SLC44A1: variants seen among roughly 807,000 people sequenced by gnomAD.
SLC44A1 encodes the protein solute carrier family 44 member 1, also known as choline transporter-like protein 1.
SLC44A1 carries 26 observed loss-of-function variants against 79.3 expected under a neutral mutation model. The observed-to-expected ratio is 0.33, with a 90% CI of 0.24 to 0.46. The LOEUF (loss-of-function observed/expected upper bound fraction) is 0.46, where lower values mean the gene tolerates loss of function less well. SLC44A1 is among the 20% of genes least tolerant of loss of function. The pLI is 1.00. For synonymous variants in SLC44A1, 263 were observed against 286.2 expected, an observed-to-expected ratio of 0.92 and a Z score of 0.82; for missense variants, 688 against 798.1, an observed-to-expected ratio of 0.86 and a Z score of 1.66.
chr9:105,433,547 A>C (rs1052303027), intron 15 of SLC44A1, among the ~76,000 whole-genome samples: 1 of 152,128 alleles, frequency 6.6e-6, no homozygotes, highest in Non-Finnish European at 1.5e-5. Context: ...AGGAGCATCC[A>C]AAACAGAGGT....
At chr9:105,421,803 A>C (rs949710545) in intron 15 of SLC44A1, among the ~76,000 whole-genome samples, 1 of 151,950 alleles carries the variant, frequency 6.6e-6, no homozygotes, top group South Asian at 2.1e-4. Context: ...TAGCCAGGAT[A>C]GTCTCAATCT....
At position 105,390,059 on chromosome 9, in the gene SLC44A1, A is replaced by G; in HGVS notation, c.*1003A>G. 1.6e-6 allele frequency: 2 copies of G among 1,282,826 alleles called. No individual in the cohort carries two copies. The highest frequency in any genetic ancestry group is 3.1e-5 in the South Asian group (1 of 31,918). The allele number at this position is 1,282,826 out of a possible 1,614,324, so 79.5% of individuals were successfully genotyped here. A position where few individuals can be genotyped will look rare whatever the true frequency, so the allele number is the denominator to read the frequency against. On this transcript the variant is annotated 3_prime_UTR_variant, in exon 16 of 16. Coordinates refer to ENST00000374720, the MANE Select transcript of SLC44A1 (RefSeq NM_080546.5). ...TGCTTGCTATACAATCTGAAAACAC[A>G]CTGGCAGGTGCTCCTCTCCTTGGCA...
At chr9:105,362,550 A>G (rs1337593603) in intron 8 of SLC44A1, among the ~76,000 whole-genome samples, 1 of 152,184 alleles carries the variant, frequency 6.6e-6, no homozygotes, top group Admixed American at 6.5e-5. Flanking sequence ...TTGGTTCATA[A>G]TGAGTGGCAA....
chr9:105,334,239 AT>A lies in SLC44A1; in HGVS notation c.270-1309del, dbSNP rs202015758. ...GAGTCACTGATAGGGTCACACACAC[AT>A]TTTTTTTTTTTTTTCGTTTGGTAAG... On this transcript the variant is annotated intron_variant, in intron 3 of 15. Transcript: ENST00000374720. 7.6e-3 allele frequency among the ~76,000 whole-genome samples: 979 copies of A among 128,252 alleles called. 2 individuals carry two copies. Among genetic ancestry groups the A allele is most frequent in the Non-Finnish European group, 8.2e-3 (486 of 59,442 alleles). 84.1% of individuals were successfully genotyped at this position (128,252 alleles called of 152,430 possible).
intron 5 of SLC44A1, among the ~76,000 whole-genome samples, chr9:105,352,441 T>C (rs1234975736): frequency 1.3e-5 from 2 of 152,194 alleles, no homozygotes; most frequent in Non-Finnish European, 2.9e-5. Context: ...GACAGTATGT[T>C]TGCCAAGGTA....
At chr9:105,262,371 A>G (rs1166669285) in intron 1 of SLC44A1, among the ~76,000 whole-genome samples, 1 of 152,220 alleles carries the variant, frequency 6.6e-6, no homozygotes, top group African/African-American at 2.4e-5. Context: ...ACAAAGCTTC[A>G]GATGCCTGTA....
intron 1 of SLC44A1, among the ~76,000 whole-genome samples, chr9:105,289,825 T>G (rs1564417650): frequency 2.0e-5 from 3 of 151,222 alleles, no homozygotes; most frequent in African/African-American, 7.3e-5. Flanking sequence ...TTTTTTTTTG[T>G]TTTTTTGAGA....
At chr9:105,308,448 T>C (rs949510599) in intron 2 of SLC44A1, among the ~76,000 whole-genome samples, 2 of 152,200 alleles carry the variant, frequency 1.3e-5, no homozygotes, top group Non-Finnish European at 2.9e-5. Flanking sequence ...TAGTCTCTAC[T>C]CTCAGTCTAC....
intron 1 of SLC44A1, among the ~76,000 whole-genome samples, chr9:105,253,506 T>A (rs962823933): frequency 1.3e-5 from 2 of 152,098 alleles, no homozygotes; most frequent in African/African-American, 4.8e-5. Flanking sequence ...GGCAGGAGGA[T>A]TACTTGAAGC....
At chr9:105,359,054 G>A (rs188095827) in intron 7 of SLC44A1, among the ~76,000 whole-genome samples, 1 of 152,176 alleles carries the variant, frequency 6.6e-6, no homozygotes, top group East Asian at 1.9e-4. Flanking sequence ...AATAGTCTGA[G>A]CTTTTGTACT....
At chr9:105,360,173 G>C (rs375031132) in intron 7 of SLC44A1, among the ~76,000 whole-genome samples, 1 of 151,862 alleles carries the variant, frequency 6.6e-6, no homozygotes, top group East Asian at 1.9e-4. Context: ...CAGTCTCTTT[G>C]AACTTTGCCT....
chr9:105,374,609 A>G lies in SLC44A1; in HGVS notation c.1506A>G (p.Thr502=). 2 of 1,612,674 alleles carry G rather than the reference A, an allele frequency of 1.2e-6. No homozygotes were observed. The highest frequency in any genetic ancestry group is 1.7e-6 in the Non-Finnish European group (2 of 1,179,702). The change falls in exon 13 of 16, where the codon ACA becomes ACG. Residue 502 remains threonine, a synonymous_variant. Coordinates refer to ENST00000374720, the MANE Select transcript of SLC44A1 (RefSeq NM_080546.5). The part of the protein sequence containing the change: ...CLNYLNQNAY[T]ATAINSTNFC... ...TTGCTTTTGTCCAGAATGCATACAC[A>G]GCCACAGCTATCAACAGCACCAACT...
chr9:105,389,985 C>A lies in SLC44A1; in HGVS notation c.*929C>A. 1 of 1,453,552 alleles carries A rather than the reference C, an allele frequency of 6.9e-7. No individual in the cohort carries two copies. Among genetic ancestry groups the A allele is most frequent in the Non-Finnish European group, 9.1e-7 (1 of 1,103,910 alleles). 90.0% of individuals were successfully genotyped at this position (1,453,552 alleles called of 1,614,324 possible). On this transcript the variant is annotated 3_prime_UTR_variant, in exon 16 of 16. Transcript: ENST00000374720. ...GAAAATTCCGGTGCTTGGGCTTCGG[C>A]TTCAGAGTAACGTCAGTGGCTTAGG...
chr9:105,437,019 G>A (rs1829471851), intron 15 of SLC44A1, among the ~76,000 whole-genome samples: 1 of 152,130 alleles, frequency 6.6e-6, no homozygotes, highest in African/African-American at 2.4e-5. Context: ...GGTTAGGACT[G>A]TATCTCGTTA....
At chr9:105,351,981 C>T (rs1441222320) in intron 5 of SLC44A1, among the ~76,000 whole-genome samples, 2 of 152,230 alleles carry the variant, frequency 1.3e-5, no homozygotes, top group South Asian at 2.1e-4. Context: ...TGAAAGAAGG[C>T]CGGGCACAGT....
chr9:105,361,390 A>G, intron 8 of SLC44A1, 60 bp downstream of exon 8: 2 of 1,471,608 alleles, frequency 1.4e-6, no homozygotes, highest in Non-Finnish European at 1.8e-6. Flanking sequence ...GAGATCATTA[A>G]TGGAGCAGAA....
At chr9:105,409,655 A>G (rs901837026) in intron 15 of SLC44A1, among the ~76,000 whole-genome samples, 5 of 152,236 alleles carry the variant, frequency 3.3e-5, no homozygotes, top group Non-Finnish European at 5.9e-5. Flanking sequence ...ACTGCACTCC[A>G]GCCTTGGTGA....
chr9:105,366,958 A>G (rs1223433157), intron 12 of SLC44A1, among the ~76,000 whole-genome samples: 2 of 151,530 alleles, frequency 1.3e-5, no homozygotes, highest in Non-Finnish European at 2.9e-5. Flanking sequence ...TTTTGACCCA[A>G]CTGCTAAACA....
intron 11 of SLC44A1, 62 bp from the exon 12 acceptor site, chr9:105,366,284 G>T: frequency 1.2e-6 from 1 of 811,862 alleles, no homozygotes; most frequent in Non-Finnish European, 1.9e-6. Flanking sequence ...AACGTTTGAA[G>T]TCTTCTATGT....
Sources: gnomAD v4.1 joint callset for allele counts (sites outside exome capture counted in the v4.1 genomes callset) on GRCh38, gnomAD v4.1.1 for gene constraint, MANE v1.5 for transcripts, NCBI Gene and HGNC (gene_info 2026-07-23, HGNC 2026-07-21) for gene names.